Variants in GNAL observed in about 807,000 individuals in gnomAD.
GNAL encodes the protein G protein subunit alpha L.
Under a neutral mutation model 55.1 loss-of-function variants are expected in GNAL, and 18 were observed. The ratio of observed to expected loss-of-function variants is 0.33; its 90% CI spans 0.23 to 0.48. The LOEUF (loss-of-function observed/expected upper bound fraction) is 0.48. Among genes scored for constraint, GNAL ranks in the 20% least tolerant of loss-of-function variants. The pLI, the probability that GNAL is intolerant of heterozygous loss-of-function variation, is 0.99. For missense variants in GNAL, 412 were observed against 614.1 expected, an observed-to-expected ratio of 0.67 and a Z score of 3.48; for synonymous variants, 253 against 237.0, an observed-to-expected ratio of 1.07 and a Z score of -0.62.
At chr18:11,847,880 A>C (rs2035773656) in intron 5 of GNAL, among the ~76,000 whole-genome samples, 1 of 152,230 alleles carries the variant, frequency 6.6e-6, no homozygotes. Context: ...GCTGAAACAG[A>C]CCCTGAAGGT....
chr18:11,850,004 A>C (rs528200951), intron 5 of GNAL, among the ~76,000 whole-genome samples: 148 of 152,280 alleles, frequency 9.7e-4, no homozygotes, highest in Non-Finnish European at 1.3e-3. Flanking sequence ...ACAGAGGAGG[A>C]GTCCTGGGGA....
intron 4 of GNAL, among the ~76,000 whole-genome samples, chr18:11,783,477 A>G (rs1241296708): frequency 6.6e-6 from 1 of 152,224 alleles, no homozygotes; most frequent in African/African-American, 2.4e-5. Flanking sequence ...TGTGCCTGCA[A>G]AGCCAAGAAA....
chr18:11,757,725 A>G (rs2033105323), intron 4 of GNAL, among the ~76,000 whole-genome samples: 1 of 152,176 alleles, frequency 6.6e-6, no homozygotes, highest in Non-Finnish European at 1.5e-5. Flanking sequence ...GATGACTATT[A>G]CGACATCTAA....
intron 1 of GNAL, among the ~76,000 whole-genome samples, chr18:11,707,276 A>G (rs567884108): frequency 1.3e-3 from 205 of 152,368 alleles, no homozygotes; most frequent in African/African-American, 4.6e-3. Context: ...ATAAGACTGC[A>G]AAGTAAAAAT....
chr18:11,884,135 A>C lies in GNAL; in HGVS notation c.*3000A>C. ...GGGCCACCAGGCCCTTCCTGGGGGA[A>C]CAAGGACTGTCGTGCATGTGAGTGA... On this transcript the variant is annotated 3_prime_UTR_variant, in exon 12 of 12. Coordinates refer to ENST00000334049, the MANE Select transcript of GNAL (RefSeq NM_182978.4). 3.9e-6 allele frequency: 1 copy of C among 259,194 alleles called. No individual in the cohort carries two copies. The allele number at this position is 259,194 out of a possible 1,614,324, so 16.1% of individuals were successfully genotyped here. A position where few individuals can be genotyped will look rare whatever the true frequency, so the allele number is the denominator to read the frequency against.
intron 10 of GNAL, among the ~76,000 whole-genome samples, chr18:11,873,716 T>C (rs1460746570): frequency 1.3e-5 from 2 of 152,242 alleles, no homozygotes; most frequent in Non-Finnish European, 2.9e-5. Flanking sequence ...CCATGGCACA[T>C]CATCAGAGCA....
At chr18:11,758,097 A>G (rs964008325) in intron 4 of GNAL, among the ~76,000 whole-genome samples, 1 of 152,152 alleles carries the variant, frequency 6.6e-6, no homozygotes, top group Non-Finnish European at 1.5e-5. Flanking sequence ...AGCAGGAGAA[A>G]ATGACAATAC....
rs59291287 is a variant in GNAL at position 11,754,998 on chromosome 18, A to ATGTGTGTGTG, written c.624+1075_624+1084dup. ...TACAGTGCACCAGAAGTGAGTGTGT[A>ATGTGTGTGTG]TGTGTGTGTGTGTGTGTGTGTGTGT... On this transcript the variant is annotated intron_variant, in intron 4 of 11. Transcript: ENST00000334049. Among the ~76,000 whole-genome samples the ATGTGTGTGTG allele has an allele frequency of 3.2e-4, 48 of 149,156 alleles. 1 individual carries two copies. Among genetic ancestry groups the ATGTGTGTGTG allele is most frequent in the Admixed American group, 1.0e-3 (15 of 14,932 alleles).
intron 1 of GNAL, among the ~76,000 whole-genome samples, chr18:11,734,230 G>A (rs1332623264): frequency 2.0e-5 from 3 of 147,480 alleles, no homozygotes; most frequent in African/African-American, 7.5e-5. Context: ...TGCAACCTCC[G>A]CCTCCCAGTT....
At chr18:11,803,412 G>A (rs1274023838) in intron 4 of GNAL, among the ~76,000 whole-genome samples, 1 of 152,228 alleles carries the variant, frequency 6.6e-6, no homozygotes. Context: ...TCCTTTGTAA[G>A]GATGAATGAT....
chr18:11,813,125 C>T (rs2034861515), intron 4 of GNAL, among the ~76,000 whole-genome samples: 1 of 151,664 alleles, frequency 6.6e-6, no homozygotes, highest in African/African-American at 2.4e-5. Context: ...CATGGTGGCA[C>T]ACACCTGTAA....
At chr18:11,879,264 T>C (rs1308039340) in intron 11 of GNAL, among the ~76,000 whole-genome samples, 1 of 151,876 alleles carries the variant, frequency 6.6e-6, no homozygotes, top group Admixed American at 6.6e-5. Context: ...ACCCTTTCTG[T>C]GGTCCAAGCA....
At chr18:11,833,271 T>C (rs2035427861) in intron 5 of GNAL, among the ~76,000 whole-genome samples, 2 of 152,104 alleles carry the variant, frequency 1.3e-5, no homozygotes, top group African/African-American at 2.4e-5. Context: ...ACCCAAGTGT[T>C]CTCCCCACCT....
chr18:11,805,857 A>G (rs1043562857), intron 4 of GNAL, among the ~76,000 whole-genome samples: 3 of 152,196 alleles, frequency 2.0e-5, no homozygotes, highest in Non-Finnish European at 4.4e-5. Flanking sequence ...TCCTTTGGAT[A>G]TATACCTAGT....
At chr18:11,792,729 G>A (rs1359920138) in intron 4 of GNAL, among the ~76,000 whole-genome samples, 1 of 152,220 alleles carries the variant, frequency 6.6e-6, no homozygotes, top group Non-Finnish European at 1.5e-5. Context: ...TTGATCAATT[G>A]TTGGCACTGA....
chr18:11,739,551 C>T (rs1479383192), intron 1 of GNAL, among the ~76,000 whole-genome samples: 1 of 152,176 alleles, frequency 6.6e-6, no homozygotes, highest in Non-Finnish European at 1.5e-5. Context: ...ATGTGTTCTC[C>T]AGCATTTTCC....
chr18:11,827,581 C>A (rs578089132), intron 5 of GNAL, among the ~76,000 whole-genome samples: 1 of 152,132 alleles, frequency 6.6e-6, no homozygotes, highest in African/African-American at 2.4e-5. Flanking sequence ...CACCTGCACT[C>A]CAGCCTGAGT....
chr18:11,864,105 T>TTTTTA (rs2036208190), intron 6 of GNAL, among the ~76,000 whole-genome samples: 1 of 147,204 alleles, frequency 6.8e-6, no homozygotes, highest in African/African-American at 2.6e-5. Context: ...TTTTTTTTTT[T>TTTTTA]GAGACGGAGT....
At position 11,689,621 on chromosome 18, in the gene GNAL, T is replaced by G; in HGVS notation, c.58T>G (p.Cys20Gly). ...LLFGGPGDDPCAASEPPVEDA... is the reference protein window; with the variant it reads ...LLFGGPGDDPGAASEPPVEDA... ...TTTCGGGGGCCCAGGGGACGACCCC[T>G]GCGCGGCCTCGGAGCCGCCGGTGGA... Residue 20 changes from cysteine to glycine, a missense_variant, in exon 1 of 12, where the codon TGC (cysteine) becomes GGC (glycine). By Grantham distance (159) the Cys-to-Gly change is radical. Coordinates refer to ENST00000334049, the MANE Select transcript of GNAL (RefSeq NM_182978.4). The G allele has an allele frequency of 7.4e-7, 1 of 1,357,692 alleles. No homozygotes were observed. The highest frequency in any genetic ancestry group is 9.4e-7 in the Non-Finnish European group (1 of 1,065,730). 84.1% of individuals were successfully genotyped at this position (1,357,692 alleles called of 1,614,324 possible). A position where few individuals can be genotyped will look rare whatever the true frequency, so the allele number is the denominator to read the frequency against.
Sources: gnomAD v4.1 joint callset for allele counts (sites outside exome capture counted in the v4.1 genomes callset) on GRCh38, gnomAD v4.1.1 for gene constraint, MANE v1.5 for transcripts, NCBI Gene and HGNC (gene_info 2026-07-23, HGNC 2026-07-21) for gene names.